FCHSD2: variants seen among roughly 807,000 people sequenced by gnomAD.
FCHSD2 encodes FCH and double SH3 domains 2.
Under a neutral mutation model 108.1 loss-of-function variants are expected in FCHSD2, and 38 were observed. That is an observed-to-expected ratio of 0.35 (90% CI 0.27 to 0.46). FCHSD2 has a LOEUF of 0.46. Ranked by LOEUF, FCHSD2 falls within the 20% of genes least tolerant of loss-of-function variation. The probability of loss-of-function intolerance (pLI) is 1.00; values close to 1 mark genes in which losing one functional copy is unlikely to be tolerated. For missense variants in FCHSD2, 751 were observed against 897.8 expected (o/e 0.84, Z 2.09); for synonymous variants, 279 against 314.7 (o/e 0.89, Z 1.20).
intron 9 of FCHSD2, among the ~76,000 whole-genome samples, chr11:72,917,437 T>C (rs1855896183): frequency 1.3e-5 from 2 of 152,242 alleles, no homozygotes; most frequent in African/African-American, 4.8e-5. Context: ...TTCTGTTTCA[T>C]TGGTCTATAT....
chr11:72,999,882 CACACAA>C (rs976614738), intron 5 of FCHSD2, among the ~76,000 whole-genome samples: 50 of 148,484 alleles, frequency 3.4e-4, no homozygotes, highest in Admixed American at 7.4e-4. Flanking sequence ...CACACACACA[CACACAA>C]ACACACACAC....
At chr11:73,116,579 C>T (rs929255495) in intron 2 of FCHSD2, among the ~76,000 whole-genome samples, 1 of 152,110 alleles carries the variant, frequency 6.6e-6, no homozygotes, top group African/African-American at 2.4e-5. Flanking sequence ...ACTACTCTGC[C>T]ACCCATGCTG....
intron 9 of FCHSD2, among the ~76,000 whole-genome samples, chr11:72,920,945 A>T (rs1047413113): frequency 6.6e-6 from 1 of 152,176 alleles, no homozygotes; most frequent in Non-Finnish European, 1.5e-5. Flanking sequence ...GAAAACAAGA[A>T]TATATATACA....
At chr11:73,129,971 CG>C (rs1304853236) in intron 2 of FCHSD2, among the ~76,000 whole-genome samples, 2 of 151,092 alleles carry the variant, frequency 1.3e-5, no homozygotes, top group Non-Finnish European at 3.0e-5. Flanking sequence ...CTCTGCCTCC[CG>C]GGTTCACGTC....
chr11:73,105,998 A>C (rs1332288899), intron 2 of FCHSD2, among the ~76,000 whole-genome samples: 1 of 152,252 alleles, frequency 6.6e-6, no homozygotes, highest in Non-Finnish European at 1.5e-5. Flanking sequence ...TTTGCATCCA[A>C]GGATTTCCAG....
In FCHSD2 at chr11:72,838,416, T is replaced by G. The variant is rs1469281730; in HGVS notation, c.*375A>C. 2.2e-5 allele frequency: 4 copies of G among 184,896 alleles called. No homozygotes were observed. Among genetic ancestry groups the G allele is most frequent in the Non-Finnish European group, 3.4e-5 (3 of 87,834 alleles). The allele number at this position is 184,896 out of a possible 1,614,324, so 11.5% of individuals were successfully genotyped here. On this transcript the variant is annotated 3_prime_UTR_variant, in exon 20 of 20. Coordinates refer to ENST00000409418, the MANE Select transcript of FCHSD2 (RefSeq NM_014824.3). Reference sequence around the variant, plus strand: ...GATGAGAATCTTTGCCACATCCTTGTGGTCACAGTAATATACTGTACGAGT... The same window carrying G: ...GATGAGAATCTTTGCCACATCCTTGGGGTCACAGTAATATACTGTACGAGT...
At chr11:73,034,498 G>A (rs1023984153) in intron 3 of FCHSD2, among the ~76,000 whole-genome samples, 1 of 152,190 alleles carries the variant, frequency 6.6e-6, no homozygotes, top group African/African-American at 2.4e-5. Context: ...TTCGGTACCA[G>A]AGGCTGAGCC....
At chr11:72,871,461 A>T (rs1172695744) in intron 12 of FCHSD2, among the ~76,000 whole-genome samples, 1 of 152,222 alleles carries the variant, frequency 6.6e-6, no homozygotes, top group African/African-American at 2.4e-5. Flanking sequence ...TCACATATGC[A>T]AGTGGTGATC....
At chr11:72,870,269 T>C (rs987151986) in intron 12 of FCHSD2, among the ~76,000 whole-genome samples, 2 of 152,242 alleles carry the variant, frequency 1.3e-5, no homozygotes, top group African/African-American at 2.4e-5. Flanking sequence ...TACAATGTGA[T>C]AGGCACGAAA....
At chr11:73,112,845 T>C (rs531881973) in intron 2 of FCHSD2, among the ~76,000 whole-genome samples, 7 of 152,298 alleles carry the variant, frequency 4.6e-5, no homozygotes, top group Middle Eastern at 3.4e-3. Context: ...TTAGTATTTT[T>C]AGTAGAGATG....
rs964678928 is a variant in FCHSD2 at position 72,989,057 on chromosome 11, T to C, written c.428A>G (p.Glu143Gly). Residue 143 changes from glutamate to glycine, a missense_variant, in exon 6 of 20, where the codon GAG becomes GGG. Transcript: ENST00000409418. ...GCCTTTAGCTAAATCTTTCACTGTC[T>C]CTTGTAATTCAGTTTGGATCTTTGT... ...QLTKIQTELQETVKDLAKGKK... is the reference protein window; with the variant it reads ...QLTKIQTELQGTVKDLAKGKK... 7.5e-6 allele frequency: 12 copies of C among 1,609,050 alleles called. No homozygotes were observed. The highest frequency in any genetic ancestry group is 1.0e-5 in the Non-Finnish European group (12 of 1,176,890).
At chr11:72,994,537 C>G (rs761197904) in intron 5 of FCHSD2, among the ~76,000 whole-genome samples, 2 of 151,972 alleles carry the variant, frequency 1.3e-5, no homozygotes, top group Admixed American at 6.6e-5. Flanking sequence ...AAGTGTGTAC[C>G]CTAGTTCTGT....
chr11:73,082,335 C>CAAAAAAAAAAAAAAAAA (rs750423401), intron 3 of FCHSD2, among the ~76,000 whole-genome samples: 12 of 34,462 alleles, frequency 3.5e-4, no homozygotes, highest in Non-Finnish European at 5.9e-4. Flanking sequence ...AGACTTGTCC[C>CAAAAAAAAAAAAAAAAA]AAAAAAAAAA....
intron 10 of FCHSD2, among the ~76,000 whole-genome samples, chr11:72,901,442 C>A (rs572090745): frequency 1.2e-4 from 18 of 151,824 alleles, no homozygotes; most frequent in African/African-American, 4.1e-4. Flanking sequence ...AAAATAAAAA[C>A]AAAAATTGCC....
chr11:72,907,342 T>C (rs184138637), intron 9 of FCHSD2, among the ~76,000 whole-genome samples: 16 of 152,342 alleles, frequency 1.1e-4, no homozygotes, highest in East Asian at 9.6e-4. Context: ...TCTTGCCTGA[T>C]TGCCTTAGCC....
intron 3 of FCHSD2, among the ~76,000 whole-genome samples, chr11:73,071,884 A>G (rs1859445730): frequency 6.6e-6 from 1 of 152,198 alleles, no homozygotes; most frequent in Non-Finnish European, 1.5e-5. Flanking sequence ...TGCTTAGAAC[A>G]GTGCCTGACA....
At chr11:73,132,215 CG>C (rs1861020224) in intron 2 of FCHSD2, among the ~76,000 whole-genome samples, 1 of 152,190 alleles carries the variant, frequency 6.6e-6, no homozygotes, top group African/African-American at 2.4e-5. Context: ...TCATGAAACA[CG>C]ATAACTTCCT....
chr11:72,889,306 T>C (rs576376412), intron 11 of FCHSD2, among the ~76,000 whole-genome samples: 93 of 152,310 alleles, frequency 6.1e-4, no homozygotes, highest in African/African-American at 2.1e-3. Context: ...TGAAAACTTA[T>C]ATTAATTCAA....
chr11:72,902,921 G>A (rs138432563), intron 9 of FCHSD2, among the ~76,000 whole-genome samples: 1 of 152,266 alleles, frequency 6.6e-6, no homozygotes, highest in East Asian at 1.9e-4. Flanking sequence ...CAAGAAGATA[G>A]TTTTTACACA....
Sources: gnomAD v4.1 joint callset for allele counts (sites outside exome capture counted in the v4.1 genomes callset) on GRCh38, gnomAD v4.1.1 for gene constraint, MANE v1.5 for transcripts, NCBI Gene and HGNC (gene_info 2026-07-23, HGNC 2026-07-21) for gene names.